GRM8: variants seen among roughly 807,000 people sequenced by gnomAD.
GRM8 encodes the protein metabotropic glutamate receptor 8.
GRM8 carries 47 observed loss-of-function variants against 87.2 expected under a neutral mutation model. The ratio of observed to expected loss-of-function variants is 0.54; its 90% CI spans 0.43 to 0.69. The LOEUF is 0.69. Among genes scored for constraint, GRM8 ranks in the 30% least tolerant of loss-of-function variants. The pLI is 0.00. For missense variants in GRM8, 1,019 were observed against 1,139.2 expected (o/e 0.89, Z 1.52); for synonymous variants, 396 against 404.5 (o/e 0.98, Z 0.25).
At chr7:127,142,822 C>T (rs1430125389) in intron 2 of GRM8, among the ~76,000 whole-genome samples, 1 of 152,076 alleles carries the variant, frequency 6.6e-6, no homozygotes, top group Non-Finnish European at 1.5e-5. Flanking sequence ...CACTTGGATA[C>T]ATTAGCGACA....
At chr7:126,749,428 A>T (rs1816131094) in intron 7 of GRM8, among the ~76,000 whole-genome samples, 1 of 152,048 alleles carries the variant, frequency 6.6e-6, no homozygotes, top group African/African-American at 2.4e-5. Context: ...AAAGACAAGT[A>T]AGATTCATTT....
At chr7:127,238,703 C>T (rs1798124556) in intron 2 of GRM8, among the ~76,000 whole-genome samples, 1 of 152,192 alleles carries the variant, frequency 6.6e-6, no homozygotes, top group East Asian at 1.9e-4. Flanking sequence ...TTATTCAACC[C>T]TCTTCTAAAG....
intron 7 of GRM8, among the ~76,000 whole-genome samples, chr7:126,755,041 G>C (rs181553883): frequency 7.7e-6 from 1 of 129,312 alleles, no homozygotes. Flanking sequence ...AAACTTTGTA[G>C]CTCATTTGAA....
chr7:126,568,219 C>A (rs936827391), intron 8 of GRM8, among the ~76,000 whole-genome samples: 1 of 152,082 alleles, frequency 6.6e-6, no homozygotes, highest in Non-Finnish European at 1.5e-5. Flanking sequence ...TGTGCCTCCT[C>A]TTTACTTAGA....
chr7:127,128,819 C>T (rs528896467), intron 2 of GRM8, among the ~76,000 whole-genome samples: 2 of 152,222 alleles, frequency 1.3e-5, no homozygotes, highest in South Asian at 4.2e-4. Flanking sequence ...CTGTCATATT[C>T]ACTGCTTCCT....
At chr7:127,015,398 T>C (rs915310752) in intron 3 of GRM8, among the ~76,000 whole-genome samples, 6 of 152,108 alleles carry the variant, frequency 3.9e-5, no homozygotes, top group Non-Finnish European at 7.4e-5. Context: ...TGTGATATGC[T>C]GATAGGATGG....
chr7:127,191,499 C>A (rs141857863), intron 2 of GRM8, among the ~76,000 whole-genome samples: 1 of 152,088 alleles, frequency 6.6e-6, no homozygotes, highest in Non-Finnish European at 1.5e-5. Context: ...TTGCTGAAGA[C>A]CAGGACCTTT....
intron 7 of GRM8, among the ~76,000 whole-genome samples, chr7:126,691,600 T>C (rs1318608114): frequency 1.3e-5 from 2 of 152,152 alleles, no homozygotes; most frequent in Non-Finnish European, 2.9e-5. Flanking sequence ...AGACAGGCCG[T>C]TGCTGTTATC....
intron 3 of GRM8, among the ~76,000 whole-genome samples, chr7:126,908,142 GA>G (rs1303732285): frequency 6.6e-6 from 1 of 152,168 alleles, no homozygotes; most frequent in Admixed American, 6.5e-5. Context: ...AGAGAGAAGG[GA>G]ATTGTAATAC....
At chr7:126,653,425 TAAG>T (rs1415637477) in intron 7 of GRM8, among the ~76,000 whole-genome samples, 1 of 152,086 alleles carries the variant, frequency 6.6e-6, no homozygotes, top group Non-Finnish European at 1.5e-5. Flanking sequence ...GCCTTGTTAA[TAAG>T]AAGATAAAAC....
chr7:126,963,835 CA>C (rs1409317101), intron 3 of GRM8, among the ~76,000 whole-genome samples: 5 of 151,958 alleles, frequency 3.3e-5, no homozygotes, highest in Non-Finnish European at 5.9e-5. Flanking sequence ...CATATGGAAC[CA>C]AAAAAGAGCC....
intron 8 of GRM8, among the ~76,000 whole-genome samples, chr7:126,591,298 A>G (rs190377280): frequency 8.4e-4 from 128 of 152,280 alleles, no homozygotes; most frequent in Non-Finnish European, 1.3e-3. Flanking sequence ...TAATACAATG[A>G]TAAGAGGCCT....
chr7:126,767,307 T>C (rs1309007986), intron 7 of GRM8, among the ~76,000 whole-genome samples: 1 of 152,140 alleles, frequency 6.6e-6, no homozygotes, highest in Non-Finnish European at 1.5e-5. Context: ...ATACTTTCAG[T>C]GTTATAAGAG....
At chr7:126,527,963 T>C (rs1425650258) in intron 9 of GRM8, among the ~76,000 whole-genome samples, 1 of 152,190 alleles carries the variant, frequency 6.6e-6, no homozygotes, top group East Asian at 1.9e-4. Context: ...TCCAGCATTT[T>C]GGGAGGCTAA....
intron 2 of GRM8, among the ~76,000 whole-genome samples, chr7:127,186,126 T>C (rs2116448673): frequency 6.6e-6 from 1 of 152,194 alleles, no homozygotes; most frequent in African/African-American, 2.4e-5. Context: ...AGACATTGTA[T>C]AAACCACGGC....
intron 7 of GRM8, among the ~76,000 whole-genome samples, chr7:126,738,486 C>T (rs1563139446): frequency 6.6e-6 from 1 of 151,944 alleles, no homozygotes; most frequent in South Asian, 2.1e-4. Context: ...AGGTTGGATG[C>T]TGTTTAACTC....
chr7:127,077,453 T>C (rs1822401428), intron 3 of GRM8, among the ~76,000 whole-genome samples: 1 of 152,200 alleles, frequency 6.6e-6, no homozygotes, highest in Admixed American at 6.5e-5. Context: ...CCTTGTGTGC[T>C]TCTAAGCTCC....
At chr7:127,205,618 G>C (rs1318204510) in intron 2 of GRM8, among the ~76,000 whole-genome samples, 1 of 152,142 alleles carries the variant, frequency 6.6e-6, no homozygotes, top group Non-Finnish European at 1.5e-5. Context: ...CTACCGCTCT[G>C]CAGAGGCCAC....
chr7:126,781,568 T>C (rs1820078861), intron 6 of GRM8, among the ~76,000 whole-genome samples: 1 of 152,170 alleles, frequency 6.6e-6, no homozygotes, highest in Non-Finnish European at 1.5e-5. Context: ...AAGTAAAACA[T>C]TTCCCCTTTC....
Sources: allele counts gnomAD v4.1 joint callset (sites outside exome capture counted in the v4.1 genomes callset), GRCh38; gene constraint gnomAD v4.1.1; transcripts MANE v1.5; gene names NCBI Gene and HGNC (gene_info 2026-07-23, HGNC 2026-07-21).